Variants in SORCS3 observed in about 807,000 individuals in gnomAD.
The protein encoded by SORCS3 is VPS10 domain-containing receptor SorCS3.
In SORCS3, 57 loss-of-function variants were observed where a neutral mutation model predicts 146.3. That is an observed-to-expected ratio of 0.39 (90% CI 0.31 to 0.49). The LOEUF is 0.49. SORCS3 is among the 20% of genes least tolerant of loss of function. The pLI is 0.92. For missense variants in SORCS3, 1,341 were observed against 1,575.5 expected (o/e 0.85, Z 2.52); for synonymous variants, 653 against 618.5 (o/e 1.06, Z -0.83).
chr10:105,237,149 C>T lies in SORCS3; in HGVS notation c.2869-8393C>T, dbSNP rs113730490. Among the ~76,000 whole-genome samples, 154 of 152,124 alleles carry T rather than the reference C, an allele frequency of 1.0e-3. 2 individuals are homozygous for T. Among genetic ancestry groups the T allele is most frequent in the African/African-American group, 3.6e-3 (149 of 41,500 alleles). ...AGGTCTTACTAAGTGGTTTTGTTCC[C>T]AAAGAACCAAGAGAATGACAATACA... On this transcript the variant is annotated intron_variant, in intron 20 of 26. Transcript: ENST00000369701.
At chr10:105,193,033 G>A (rs186319024) in intron 14 of SORCS3, among the ~76,000 whole-genome samples, 4 of 152,188 alleles carry the variant, frequency 2.6e-5, no homozygotes, top group East Asian at 3.9e-4. Context: ...TAATTAATGA[G>A]TAGCTAACCC....
Position 105,257,010 on chromosome 10 carries a change from G to A in SORCS3, c.3443+86G>A, listed in dbSNP as rs991593417. On this transcript the variant is annotated intron_variant, in intron 25 of 26. Transcript: ENST00000369701. ...TATAACTAACTTTACTAAACTCATC[G>A]CAAGAATGTGATTTTTAATTCTCCT... The A allele has an allele frequency of 9.2e-5, 85 of 925,346 alleles. No homozygotes were observed. In the Admixed American group the frequency reaches 1.2e-3, roughly 13 times the overall value. The allele number at this position is 925,346 out of a possible 1,614,324, so 57.3% of individuals were successfully genotyped here.
intron 1 of SORCS3, among the ~76,000 whole-genome samples, chr10:104,698,513 C>T (rs1447081661): frequency 6.6e-6 from 1 of 152,182 alleles, no homozygotes; most frequent in Non-Finnish European, 1.5e-5. Flanking sequence ...ACCCGTGTTT[C>T]AACCTGTTGC....
chr10:104,707,138 T>C (rs2133435903), intron 1 of SORCS3, among the ~76,000 whole-genome samples: 1 of 152,242 alleles, frequency 6.6e-6, no homozygotes, highest in Admixed American at 6.5e-5. Context: ...AACATACTGA[T>C]GTAGTGGCTA....
intron 13 of SORCS3, among the ~76,000 whole-genome samples, chr10:105,168,750 A>G (rs966510494): frequency 2.6e-5 from 4 of 152,132 alleles, no homozygotes; most frequent in African/African-American, 9.7e-5. Context: ...TGAAATCGCC[A>G]TTTTTAGGTC....
intron 11 of SORCS3, among the ~76,000 whole-genome samples, chr10:105,160,890 A>G (rs1421217055): frequency 1.3e-5 from 2 of 152,178 alleles, no homozygotes; most frequent in African/African-American, 4.8e-5. Context: ...CTTAGTTTTT[A>G]AACTCTGAGC....
chr10:105,205,935 A>T (rs1413767475), intron 16 of SORCS3, among the ~76,000 whole-genome samples: 3 of 152,204 alleles, frequency 2.0e-5, no homozygotes, highest in African/African-American at 7.2e-5. Context: ...AGTATGTATT[A>T]CTGGCTACCT....
rs149548754 is a variant in SORCS3 at position 104,890,975 on chromosome 10, T to C, written c.696-24858T>C. Among the ~76,000 whole-genome samples the C allele has an allele frequency of 9.2e-5, 14 of 152,360 alleles. No individual in the cohort carries two copies. In the East Asian group the frequency reaches 1.9e-3, roughly 21 times the overall value. ...CTTCTATGCATGCCAAATAATTTTT[T>C]ATCTGATACCAGATACTGTGATTTT... On this transcript the variant is annotated intron_variant, in intron 2 of 26. Coordinates refer to ENST00000369701, the MANE Select transcript of SORCS3 (RefSeq NM_014978.3).
intron 5 of SORCS3, among the ~76,000 whole-genome samples, chr10:105,058,862 C>T (rs2055463743): frequency 6.6e-6 from 1 of 152,158 alleles, no homozygotes; most frequent in South Asian, 2.1e-4. Flanking sequence ...AATAACTATA[C>T]TTAAAAAATA....
intron 6 of SORCS3, among the ~76,000 whole-genome samples, chr10:105,095,614 G>T (rs1589630427): frequency 6.6e-6 from 1 of 152,140 alleles, no homozygotes; most frequent in South Asian, 2.1e-4. Context: ...GCTGAAGTGT[G>T]GGCACCAGCA....
At chr10:104,937,979 C>G (rs2019276654) in intron 3 of SORCS3, among the ~76,000 whole-genome samples, 1 of 152,092 alleles carries the variant, frequency 6.6e-6, no homozygotes, top group African/African-American at 2.4e-5. Flanking sequence ...GACGCTTGAC[C>G]TGGTGAAGGA....
chr10:104,749,067 A>G (rs2016948937), intron 1 of SORCS3, among the ~76,000 whole-genome samples: 1 of 152,170 alleles, frequency 6.6e-6, no homozygotes, highest in South Asian at 2.1e-4. Context: ...AGGCAATTCC[A>G]AGGGAAGGGG....
chr10:104,809,684 T>C (rs1394494990), intron 1 of SORCS3, among the ~76,000 whole-genome samples: 1 of 152,250 alleles, frequency 6.6e-6, no homozygotes, highest in African/African-American at 2.4e-5. Flanking sequence ...GACTGCTTTA[T>C]AGTTTAGAGC....
At chr10:104,687,242 A>G (rs192431585) in intron 1 of SORCS3, among the ~76,000 whole-genome samples, 1 of 152,336 alleles carries the variant, frequency 6.6e-6, no homozygotes, top group East Asian at 1.9e-4. Context: ...ATGAGGGCTC[A>G]TGACTCAGAC....
intron 1 of SORCS3, among the ~76,000 whole-genome samples, chr10:104,803,617 A>G (rs2017648814): frequency 6.6e-6 from 1 of 152,164 alleles, no homozygotes; most frequent in Non-Finnish European, 1.5e-5. Flanking sequence ...GTTGCCCATC[A>G]CTAGCACTTT....
chr10:105,067,588 T>C (rs2055530674), intron 5 of SORCS3, among the ~76,000 whole-genome samples: 1 of 152,192 alleles, frequency 6.6e-6, no homozygotes, highest in Admixed American at 6.5e-5. Flanking sequence ...GTTTGCCTCC[T>C]TTTCTTCATT....
intron 3 of SORCS3, among the ~76,000 whole-genome samples, chr10:104,928,407 C>G (rs989879900): frequency 3.9e-5 from 6 of 152,160 alleles, no homozygotes; most frequent in Admixed American, 1.3e-4. Context: ...CTTGGGAAGG[C>G]AGGATGATGT....
intron 1 of SORCS3, chr10:104,822,046 G>T (rs747966197): frequency 1.9e-6 from 1 of 515,708 alleles, no homozygotes. Context: ...GTCCACATTT[G>T]TTTCCACCCC....
chr10:104,972,304 G>A (rs976985474), intron 3 of SORCS3, among the ~76,000 whole-genome samples: 1 of 152,180 alleles, frequency 6.6e-6, no homozygotes, highest in Non-Finnish European at 1.5e-5. Context: ...AATATTAACA[G>A]AGAACTGTTG....
Sources: allele counts gnomAD v4.1 joint callset (sites outside exome capture counted in the v4.1 genomes callset), GRCh38; gene constraint gnomAD v4.1.1; transcripts MANE v1.5; gene names NCBI Gene and HGNC (gene_info 2026-07-23, HGNC 2026-07-21).